The following CHRM3 variants were observed in gnomAD, a reference collection of about 807,000 sequenced individuals.
The protein encoded by CHRM3 is muscarinic acetylcholine receptor M3.
CHRM3 carries 11 observed loss-of-function variants against 41.8 expected under a neutral mutation model. The observed-to-expected ratio is 0.26, with a 90% CI of 0.17 to 0.44. The LOEUF (loss-of-function observed/expected upper bound fraction) is 0.44. Among genes scored for constraint, CHRM3 ranks in the 20% least tolerant of loss-of-function variants. The probability of loss-of-function intolerance (pLI) is 1.00; values close to 1 mark genes in which losing one functional copy is unlikely to be tolerated. For synonymous variants in CHRM3, 297 were observed against 301.4 expected (o/e 0.99, Z 0.15); for missense variants, 571 against 745.4 (o/e 0.77, Z 2.72).
chr1:239,731,513 C>G (rs984161342), intron 5 of CHRM3, among the ~76,000 whole-genome samples: 2 of 151,730 alleles, frequency 1.3e-5, no homozygotes, highest in African/African-American at 4.8e-5. Flanking sequence ...TCTTATATGC[C>G]GTTAGTATTG....
chr1:239,653,473 C>T (rs1672427761), intron 4 of CHRM3, among the ~76,000 whole-genome samples: 1 of 152,128 alleles, frequency 6.6e-6, no homozygotes, highest in Non-Finnish European at 1.5e-5. Context: ...AAGGGCCTGA[C>T]TGAAGTTTGG....
chr1:239,846,443 A>C (rs1354170446), intron 6 of CHRM3, among the ~76,000 whole-genome samples: 1 of 152,214 alleles, frequency 6.6e-6, no homozygotes, highest in Non-Finnish European at 1.5e-5. Flanking sequence ...TCAATATCAC[A>C]GAAAGGATTC....
intron 3 of CHRM3, among the ~76,000 whole-genome samples, chr1:239,555,730 G>A (rs944598283): frequency 1.3e-5 from 2 of 152,162 alleles, no homozygotes; most frequent in African/African-American, 2.4e-5. Context: ...TATGCTTATG[G>A]GGTAGCCCTA....
Position 239,761,351 on chromosome 1 carries a change from C to T in CHRM3, c.-146-65901C>T, listed in dbSNP as rs2355605. 3.1e-3 allele frequency among the ~76,000 whole-genome samples: 474 copies of T among 152,172 alleles called. 2 individuals are homozygous for T. The highest frequency in any genetic ancestry group is 4.2e-3 in the Non-Finnish European group (288 of 68,012). On this transcript the variant is annotated intron_variant, in intron 5 of 6. Coordinates refer to ENST00000676153, the MANE Select transcript of CHRM3 (RefSeq NM_001375978.1). ...TAATGCCCTCATCTACAAATGATAT[C>T]GTCTATGTCATGTCTGATTTGTACT...
chr1:239,850,620 G>A (rs1447590254), intron 6 of CHRM3, among the ~76,000 whole-genome samples: 1 of 152,098 alleles, frequency 6.6e-6, no homozygotes, highest in Non-Finnish European at 1.5e-5. Context: ...ATCTCATCTT[G>A]AATCGTAATC....
At chr1:239,641,207 G>A (rs953160318) in intron 4 of CHRM3, among the ~76,000 whole-genome samples, 9 of 152,216 alleles carry the variant, frequency 5.9e-5, no homozygotes, top group East Asian at 1.9e-4. Context: ...TTTTGGAATC[G>A]GTGTGGTGCG....
chr1:239,707,288 G>A (rs911534641), intron 5 of CHRM3: 3 of 152,048 alleles, frequency 2.0e-5, no homozygotes, highest in African/African-American at 7.2e-5. Flanking sequence ...TTAAACATAT[G>A]CTTATGCACA....
chr1:239,636,142 T>C (rs1670440399), intron 4 of CHRM3, among the ~76,000 whole-genome samples: 1 of 152,308 alleles, frequency 6.6e-6, no homozygotes, highest in South Asian at 2.1e-4. Context: ...CATAGATTTA[T>C]TGGCTAAACC....
rs555002952 is a variant in CHRM3 at position 239,387,416 on chromosome 1, G to C, written c.-521+189G>C. 4.6e-5 allele frequency among the ~76,000 whole-genome samples: 7 copies of C among 152,190 alleles called. No individual in the cohort carries two copies. Among genetic ancestry groups the C allele is most frequent in the Non-Finnish European group, 8.8e-5 (6 of 68,006 alleles). On this transcript the variant is annotated intron_variant, in intron 1 of 6. Coordinates refer to ENST00000676153, the MANE Select transcript of CHRM3 (RefSeq NM_001375978.1). This position sits in a 1 kb window ranked among gnomAD's most constrained non-coding sequence, Gnocchi z 5.1. ...GAGGCTGTTGATTTGGGGAAGATGG[G>C]GGCACTTGAATTCCGACAGCGCGAT...
chr1:239,752,427 A>G (rs1031896141), intron 5 of CHRM3, among the ~76,000 whole-genome samples: 1 of 152,254 alleles, frequency 6.6e-6, no homozygotes, highest in Admixed American at 6.5e-5. Context: ...CTTTTTGAGT[A>G]TATGAGCCAA....
chr1:239,848,730 A>C (rs12089697), intron 6 of CHRM3, among the ~76,000 whole-genome samples: 1 of 152,184 alleles, frequency 6.6e-6, no homozygotes, highest in South Asian at 2.1e-4. Flanking sequence ...ACCTATTTGA[A>C]CTCATTTCTG....
At chr1:239,814,614 A>C (rs1453887917) in intron 5 of CHRM3, among the ~76,000 whole-genome samples, 1 of 152,080 alleles carries the variant, frequency 6.6e-6, no homozygotes, top group Non-Finnish European at 1.5e-5. Context: ...CTGAGTTGAG[A>C]CAAGTGATTA....
At chr1:239,577,980 C>A (rs1425902699) in intron 3 of CHRM3, among the ~76,000 whole-genome samples, 1 of 152,138 alleles carries the variant, frequency 6.6e-6, no homozygotes, top group Non-Finnish European at 1.5e-5. Flanking sequence ...TTTGAGAAGG[C>A]TTATTAGGTC....
At chr1:239,765,202 G>A (rs1009968421) in intron 5 of CHRM3, among the ~76,000 whole-genome samples, 5 of 152,138 alleles carry the variant, frequency 3.3e-5, no homozygotes, top group African/African-American at 1.2e-4. Flanking sequence ...TTGCAGTAAG[G>A]GTTGATCTTG....
At chr1:239,578,623 G>A (rs926353921) in intron 3 of CHRM3, among the ~76,000 whole-genome samples, 10 of 152,172 alleles carry the variant, frequency 6.6e-5, no homozygotes, top group African/African-American at 2.2e-4. Context: ...ACTTGCCCGA[G>A]TGTATAGATC....
At chr1:239,771,423 A>C (rs1436766973) in intron 5 of CHRM3, among the ~76,000 whole-genome samples, 1 of 152,184 alleles carries the variant, frequency 6.6e-6, no homozygotes, top group African/African-American at 2.4e-5. Context: ...CAAAAAAGAA[A>C]AAAGAATGGA....
chr1:239,481,579 A>C (rs1021410711), intron 1 of CHRM3, among the ~76,000 whole-genome samples: 1 of 152,194 alleles, frequency 6.6e-6, no homozygotes, highest in African/African-American at 2.4e-5. Context: ...GGTAGGCACT[A>C]ATATTTGTTG....
chr1:239,391,672 A>T (rs1420952335), intron 1 of CHRM3, among the ~76,000 whole-genome samples: 5 of 152,182 alleles, frequency 3.3e-5, no homozygotes, highest in Non-Finnish European at 5.9e-5. Flanking sequence ...AGTAGTGATG[A>T]CAGGAAGTCA....
intron 2 of CHRM3, among the ~76,000 whole-genome samples, chr1:239,531,639 ATTTTT>A (rs58433814): frequency 3.9e-4 from 22 of 55,884 alleles, no homozygotes; most frequent in African/African-American, 1.2e-3. Context: ...TCTAGAATGG[ATTTTT>A]TTTTTTTTTT....
Sources: gnomAD v4.1 joint callset for allele counts (sites outside exome capture counted in the v4.1 genomes callset) on GRCh38, gnomAD v4.1.1 for gene constraint, Gnocchi (gnomAD v3.1) non-coding constraint, MANE v1.5 for transcripts, NCBI Gene and HGNC (gene_info 2026-07-23, HGNC 2026-07-21) for gene names.